PLVAP: variants seen among roughly 807,000 people sequenced by gnomAD.
The protein encoded by PLVAP is plasmalemma vesicle-associated protein.
Under a neutral mutation model 43.1 loss-of-function variants are expected in PLVAP, and 34 were observed. The ratio of observed to expected loss-of-function variants is 0.79; its 90% CI spans 0.60 to 1.05. The LOEUF (loss-of-function observed/expected upper bound fraction) is 1.05. Among genes scored for constraint, PLVAP ranks in the 50% least tolerant of loss-of-function variants. The pLI is 0.00. For synonymous variants in PLVAP, 241 were observed against 237.3 expected, an observed-to-expected ratio of 1.02 and a Z score of -0.14; for missense variants, 574 against 593.4, an observed-to-expected ratio of 0.97 and a Z score of 0.34.
intron 5 of PLVAP, among the ~76,000 whole-genome samples, chr19:17,354,953 T>C (rs1599570643): frequency 6.6e-6 from 1 of 150,544 alleles, no homozygotes; most frequent in East Asian, 1.9e-4. Context: ...CCAGGTGTGG[T>C]GGCCCAGCCT....
At chr19:17,374,336 G>T (rs1004660038) in intron 1 of PLVAP, among the ~76,000 whole-genome samples, 1 of 151,918 alleles carries the variant, frequency 6.6e-6, no homozygotes, top group Non-Finnish European at 1.5e-5. Flanking sequence ...ATGACGGCGG[G>T]CGCCTGTAGT....
At chr19:17,363,862 C>A in intron 3 of PLVAP, among the ~76,000 whole-genome samples, 1 of 151,384 alleles carries the variant, frequency 6.6e-6, no homozygotes, top group East Asian at 1.9e-4. Flanking sequence ...CCCGCCTCAG[C>A]CTGCTGAGTA....
At chr19:17,364,809 G>A (rs569686356) in intron 3 of PLVAP, among the ~76,000 whole-genome samples, 119 of 50,924 alleles carry the variant, frequency 2.3e-3, no homozygotes, top group African/African-American at 7.9e-3. Context: ...GTCTTGTTTT[G>A]TCACCCAGGC....
intron 1 of PLVAP, among the ~76,000 whole-genome samples, chr19:17,373,887 C>T (rs111393671): frequency 3.9e-4 from 60 of 152,278 alleles, no homozygotes; most frequent in African/African-American, 9.9e-4. Flanking sequence ...GCTGCCCAGG[C>T]GCAATGGCTC....
rs368945861 is a variant in PLVAP at position 17,373,365 on chromosome 19, T to C, written c.369+3555A>G. On this transcript the variant is annotated intron_variant, in intron 1 of 5. Coordinates refer to ENST00000252590, the MANE Select transcript of PLVAP (RefSeq NM_031310.3). ...TGGGGCTCTGGGCGAGGGGTTGAGG[T>C]GGAGGTAGGGCCCCGCCATTAGGGG... Among the ~76,000 whole-genome samples the C allele has an allele frequency of 4.0e-5, 6 of 151,232 alleles. No individual in the cohort carries two copies. The East Asian group carries it at 9.7e-4, about 25-fold the overall frequency.
intron 1 of PLVAP, among the ~76,000 whole-genome samples, chr19:17,369,506 A>G (rs1222784208): frequency 4.1e-5 from 6 of 146,842 alleles, no homozygotes; most frequent in African/African-American, 1.5e-4. Flanking sequence ...ATGGAAGCGC[A>G]TGCTTGTAGT....
intron 4 of PLVAP, 69 bp from the exon 5 acceptor site, chr19:17,360,678 C>T: frequency 1.3e-6 from 2 of 1,581,816 alleles, no homozygotes; most frequent in South Asian, 1.1e-5. Context: ...TAGGGATGGG[C>T]TGGCAGCCCA....
chr19:17,354,983 A>G (rs2145717236), intron 5 of PLVAP, among the ~76,000 whole-genome samples: 1 of 151,728 alleles, frequency 6.6e-6, no homozygotes, highest in South Asian at 2.1e-4. Context: ...GCACTTTAGG[A>G]GGCTGAGGCG....
intron 5 of PLVAP, among the ~76,000 whole-genome samples, chr19:17,353,402 T>C (rs962482825): frequency 2.6e-5 from 4 of 152,210 alleles, no homozygotes; most frequent in African/African-American, 9.7e-5. Context: ...ATGCTTGAAC[T>C]GGGTCATGCA....
intron 3 of PLVAP, among the ~76,000 whole-genome samples, chr19:17,364,365 G>A (rs1021271657): frequency 3.7e-4 from 56 of 151,896 alleles, no homozygotes; most frequent in Non-Finnish European, 5.9e-4. Flanking sequence ...GATTACAGGC[G>A]TGAGCCACCA....
rs1599574268 is a variant in PLVAP, at chr19:17,362,878, AC to A, written c.1180-2047del. 4 of 152,228 alleles carry A rather than the reference AC, an allele frequency of 2.6e-5. No individual in the cohort carries two copies. In the South Asian group the frequency reaches 6.2e-4, roughly 24 times the overall value. 9.4% of individuals were successfully genotyped at this position (152,228 alleles called of 1,614,324 possible). ...TCAGCCCAACTTAAACACGAGTTCA[AC>A]CTTCACATCAACTCTTCCTCTAGGC... On this transcript the variant is annotated intron_variant, in intron 3 of 5. Coordinates refer to ENST00000252590, the MANE Select transcript of PLVAP (RefSeq NM_031310.3).
intron 1 of PLVAP, among the ~76,000 whole-genome samples, chr19:17,375,880 C>CAAA (rs35375080): frequency 8.3e-5 from 11 of 132,828 alleles, no homozygotes; most frequent in African/African-American, 1.4e-4. Flanking sequence ...GACTCCGTCT[C>CAAA]AAAAAAAAAA....
At chr19:17,361,450 G>T (rs901123556) in intron 3 of PLVAP, among the ~76,000 whole-genome samples, 1 of 151,982 alleles carries the variant, frequency 6.6e-6, no homozygotes, top group African/African-American at 2.4e-5. Flanking sequence ...ACAGCCTCAG[G>T]GTGAATCCAG....
intron 5 of PLVAP, among the ~76,000 whole-genome samples, chr19:17,354,281 C>T (rs1041002460): frequency 2.6e-5 from 4 of 151,484 alleles, no homozygotes; most frequent in Admixed American, 6.6e-5. Flanking sequence ...CACAGCAAGA[C>T]TCTCTCAAAA....
Position 17,365,547 on chromosome 19 carries a change from G to C in PLVAP, c.918C>G (p.Arg306=), listed in dbSNP as rs2074545552. 1.2e-6 allele frequency: 2 copies of C among 1,611,752 alleles called. No individual in the cohort carries two copies. The highest frequency in any genetic ancestry group is 2.7e-5 in the African/African-American group (2 of 74,924). The part of the protein sequence containing the change: ...RVARENSDLQ[R]QKLEAQQGLR... ...GGCCCTGCTGGGCTTCCAGCTTCTG[G>C]CGTTGGAGGTCTGAGTTCTCGCGGG... The change falls in exon 3 of 6, where the codon CGC becomes CGG. Residue 306 remains arginine, a synonymous_variant. Transcript: ENST00000252590.
chr19:17,355,302 A>AT (rs1402330264), intron 5 of PLVAP, among the ~76,000 whole-genome samples: 1 of 151,448 alleles, frequency 6.6e-6, no homozygotes, highest in Non-Finnish European at 1.5e-5. Context: ...AGCTCTTCCC[A>AT]TTGCAATTTT....
intron 3 of PLVAP, among the ~76,000 whole-genome samples, chr19:17,361,471 A>G (rs28499529): frequency 0.071 from 10,868 of 152,066 alleles, 445 homozygotes; most frequent in African/African-American, 0.11. Flanking sequence ...TTCCAACCCA[A>G]GACCCCATCG....
chr19:17,366,309 A>T, intron 1 of PLVAP, 114 bp from the exon 2 acceptor site: 1 of 930,584 alleles, frequency 1.1e-6, no homozygotes, highest in Non-Finnish European at 1.7e-6. Flanking sequence ...TCACAAGGGC[A>T]TGGTCCCTTT....
intron 5 of PLVAP, among the ~76,000 whole-genome samples, chr19:17,359,693 CTTTTTT>C (rs10617408): frequency 1.7e-5 from 2 of 116,138 alleles, no homozygotes; most frequent in African/African-American, 3.2e-5. Context: ...TACCCGGCCT[CTTTTTT>C]TTTTTTTTTT....
Sources: allele counts gnomAD v4.1 joint callset (sites outside exome capture counted in the v4.1 genomes callset), GRCh38; gene constraint gnomAD v4.1.1; transcripts MANE v1.5; gene names NCBI Gene and HGNC (gene_info 2026-07-23, HGNC 2026-07-21).